PIK3R3: variants seen among roughly 807,000 people sequenced by gnomAD.
PIK3R3 encodes the protein phosphoinositide-3-kinase regulatory subunit 3.
In PIK3R3, 64 loss-of-function variants were observed where a neutral mutation model predicts 62.9. The observed-to-expected ratio is 1.02, with a 90% confidence interval of 0.83 to 1.25. The LOEUF (loss-of-function observed/expected upper bound fraction) is 1.25, where lower values mean the gene tolerates loss of function less well. PIK3R3 is among the 50% of genes most tolerant of loss of function. PIK3R3 has a pLI of 0.00. For synonymous variants in PIK3R3, 165 were observed against 189.0 expected (o/e 0.87, Z 1.04); for missense variants, 614 against 561.6 (o/e 1.09, Z -0.94).
At chr1:46,096,221 CT>C (rs1034367522) in intron 1 of PIK3R3, among the ~76,000 whole-genome samples, 5 of 152,228 alleles carry the variant, frequency 3.3e-5, no homozygotes, top group South Asian at 2.1e-4. Flanking sequence ...TGAAATTAAA[CT>C]TTTTTTTAAA....
intron 1 of PIK3R3, among the ~76,000 whole-genome samples, chr1:46,103,035 T>C (rs2149444513): frequency 6.6e-6 from 1 of 152,242 alleles, no homozygotes; most frequent in South Asian, 2.1e-4. Context: ...TAACTGAAAC[T>C]TGAAGACATT....
intron 1 of PIK3R3, among the ~76,000 whole-genome samples, chr1:46,083,410 A>T (rs1239340407): frequency 6.6e-6 from 1 of 152,226 alleles, no homozygotes; most frequent in Middle Eastern, 3.2e-3. Context: ...CATCAAAATT[A>T]AAAACTTCTG....
intron 3 of PIK3R3, among the ~76,000 whole-genome samples, chr1:46,067,969 C>A (rs1004398281): frequency 2.0e-5 from 3 of 152,166 alleles, no homozygotes; most frequent in African/African-American, 7.2e-5. Flanking sequence ...AAATGCTGTA[C>A]CATTCCCATT....
intron 2 of PIK3R3, among the ~76,000 whole-genome samples, chr1:46,078,975 G>A (rs2149411963): frequency 6.6e-6 from 1 of 152,262 alleles, no homozygotes; most frequent in East Asian, 1.9e-4. Flanking sequence ...AGGGAGGGGA[G>A]AATGGGGGGT....
chr1:46,140,843 TTTTTTTG>T, the PIK3R3 span, among the ~76,000 whole-genome samples: 24 of 151,764 alleles, frequency 1.6e-4, no homozygotes, highest in Non-Finnish European at 2.1e-4. Flanking sequence ...TTGTTTTTTG[TTTTTTTG>T]TTTTTTGTTT....
rs785468 is a variant in PIK3R3, at chr1:46,055,845, G to A, written c.891C>T (p.Ser297=). The change falls in exon 7 of 10, where the codon AGC becomes AGT. Residue 297 remains serine, a synonymous_variant. Transcript: ENST00000262741. ...DNREIDKKMN[S]IKPDLIQLRK... is the part of the protein sequence containing the mutation. ...GCAGCTGGATCAGGTCAGGTTTGAT[G>A]CTATTCATTTTTTTATCTATTTCTC... 0.69 allele frequency: 1,113,504 copies of A among 1,605,014 alleles called. 388,183 individuals carry two copies. Among genetic ancestry groups the A allele is most frequent in the Non-Finnish European group, 0.71 (829,436 of 1,174,716 alleles).
chr1:46,101,556 T>C (rs1016866391), intron 1 of PIK3R3, among the ~76,000 whole-genome samples: 9 of 152,102 alleles, frequency 5.9e-5, no homozygotes, highest in African/African-American at 2.2e-4. Flanking sequence ...CACCAACAGA[T>C]GACTGAATAA....
chr1:46,120,268 T>G (rs1252681061), intron 1 of PIK3R3, among the ~76,000 whole-genome samples: 1 of 152,180 alleles, frequency 6.6e-6, no homozygotes, highest in Non-Finnish European at 1.5e-5. Context: ...TGTGACCCTA[T>G]GAAGTCCAAC....
intron 1 of PIK3R3, among the ~76,000 whole-genome samples, chr1:46,110,351 A>G (rs993803379): frequency 2.3e-4 from 32 of 140,270 alleles, no homozygotes; most frequent in Non-Finnish European, 2.9e-4. Context: ...CGAACTCCTG[A>G]CCTCAAGTTA....
At chr1:46,133,667 G>A (rs1571593260), upstream of PIK3R3, among the ~76,000 whole-genome samples, 1 of 152,174 alleles carries the variant, frequency 6.6e-6, no homozygotes, top group African/African-American at 2.4e-5. Context: ...TTCTCCCCTT[G>A]AGCAATTGGA....
chr1:46,080,717 G>C lies in PIK3R3; in HGVS notation c.140C>G (p.Ser47Ter). ...LPPKPPKPMT[S>*]AVPNGMKDSS... ...GTCCTTCATTCCATTTGGAACTGCT[G>C]AAGTCATTGGCTTAGGTGGCTTTGG... Residue 47 changes from serine (S) to a stop codon, truncating the protein, a stop_gained, in exon 2 of 10, where the codon TCA becomes TGA. Transcript: ENST00000262741. LOFTEE classifies it high-confidence loss of function. 6.2e-7 allele frequency: 1 copy of C among 1,613,732 alleles called. No individual in the cohort carries two copies. The highest frequency in any genetic ancestry group is 8.5e-7 in the Non-Finnish European group (1 of 1,179,632).
At chr1:46,164,409 C>T in the PIK3R3 span, among the ~76,000 whole-genome samples, 3 of 152,148 alleles carry the variant, frequency 2.0e-5, no homozygotes, top group Non-Finnish European at 2.9e-5. Flanking sequence ...GATCCCTCTC[C>T]CCTGAGGCAT....
At chr1:46,101,421 G>A (rs1652666945) in intron 1 of PIK3R3, among the ~76,000 whole-genome samples, 1 of 151,432 alleles carries the variant, frequency 6.6e-6, no homozygotes, top group Non-Finnish European at 1.5e-5. Context: ...CAGGAGAATC[G>A]CTTGAACCTG....
chr1:46,105,613 C>T (rs1256784629), intron 1 of PIK3R3, among the ~76,000 whole-genome samples: 1 of 152,042 alleles, frequency 6.6e-6, no homozygotes, highest in African/African-American at 2.4e-5. Flanking sequence ...GTCAGAAGTT[C>T]GAGACCAGTC....
At chr1:46,124,761 A>T (rs1323286326) in intron 1 of PIK3R3, among the ~76,000 whole-genome samples, 1 of 137,392 alleles carries the variant, frequency 7.3e-6, no homozygotes, top group Non-Finnish European at 1.5e-5. Context: ...GCACCATTGC[A>T]CTCCAGCCTG....
At chr1:46,047,448 A>AAAG (rs371880126) in intron 7 of PIK3R3, among the ~76,000 whole-genome samples, 89 of 141,722 alleles carry the variant, frequency 6.3e-4, no homozygotes, top group Admixed American at 9.9e-4. Flanking sequence ...AAAAAAAAAA[A>AAAG]AAAGAAAGAA....
At chr1:46,101,787 G>T (rs1366871137) in intron 1 of PIK3R3, among the ~76,000 whole-genome samples, 1 of 152,138 alleles carries the variant, frequency 6.6e-6, no homozygotes, top group African/African-American at 2.4e-5. Flanking sequence ...AAAGTGAAGG[G>T]AGAATGAGGG....
At chr1:46,107,486 C>T (rs527407379) in intron 1 of PIK3R3, among the ~76,000 whole-genome samples, 120 of 148,040 alleles carry the variant, frequency 8.1e-4, no homozygotes, top group Non-Finnish European at 6.4e-4. Flanking sequence ...GACCAGGAAG[C>T]GGAGGTTACA....
At chr1:46,043,997 G>A in intron 9 of PIK3R3, 126 bp from the exon 10 acceptor site, 1 of 784,150 alleles carries the variant, frequency 1.3e-6, no homozygotes, top group Non-Finnish European at 2.0e-6. Context: ...GGCAAAGCTT[G>A]TGAAATTGCG....
Sources: allele counts gnomAD v4.1 joint callset (sites outside exome capture counted in the v4.1 genomes callset), GRCh38; gene constraint gnomAD v4.1.1; transcripts MANE v1.5; gene names NCBI Gene and HGNC (gene_info 2026-07-23, HGNC 2026-07-21).